Variants in TMPRSS15 observed in about 807,000 individuals in gnomAD.
The protein encoded by TMPRSS15 is transmembrane serine protease 15.
TMPRSS15 carries 128 observed loss-of-function variants against 125.3 expected under a neutral mutation model. That is an observed-to-expected ratio of 1.02 (90% CI 0.89 to 1.18). The LOEUF is 1.18. TMPRSS15 is among the 50% of genes most tolerant of loss of function. The pLI is 0.00. For synonymous variants in TMPRSS15, 446 were observed against 423.2 expected (o/e 1.05, Z -0.66); for missense variants, 1,283 against 1,212.7 (o/e 1.06, Z -0.86).
chr21:18,394,710 GA>G lies in TMPRSS15; in HGVS notation c.344+3168del, dbSNP rs371636275. On this transcript the variant is annotated intron_variant, in intron 3 of 24. Coordinates refer to ENST00000284885, the MANE Select transcript of TMPRSS15 (RefSeq NM_002772.3). ...ACTAAAACAACAATGAGGTCATTAT[GA>G]AAAAAAAACACATTCCTACTAAATT... Among the ~76,000 whole-genome samples, 1,341 of 148,804 alleles carry G rather than the reference GA, an allele frequency of 9.0e-3. 21 individuals are homozygous for G. The highest frequency in any genetic ancestry group is 0.032 in the African/African-American group (1,294 of 40,598).
At chr21:18,457,763 A>C (rs1569072790) in intron 1 of TMPRSS15, among the ~76,000 whole-genome samples, 1 of 152,152 alleles carries the variant, frequency 6.6e-6, no homozygotes, top group Non-Finnish European at 1.5e-5. Flanking sequence ...ATTTGTTGGT[A>C]AGAAGGAGGT....
chr21:18,271,080 C>T (rs2146847487), intron 24 of TMPRSS15, among the ~76,000 whole-genome samples: 1 of 152,238 alleles, frequency 6.6e-6, no homozygotes, highest in Admixed American at 6.5e-5. Flanking sequence ...TCTATCAATG[C>T]ACCCTTTTTT....
intron 1 of TMPRSS15, among the ~76,000 whole-genome samples, chr21:18,422,127 G>A (rs1161852005): frequency 2.6e-5 from 4 of 151,882 alleles, no homozygotes; most frequent in Admixed American, 2.0e-4. Flanking sequence ...GGGATTACAG[G>A]TGTGCACCAT....
intron 1 of TMPRSS15, among the ~76,000 whole-genome samples, chr21:18,482,454 C>T (rs1569902): frequency 0.58 from 87,855 of 151,234 alleles, 26,461 homozygotes; most frequent in East Asian, 0.92. Flanking sequence ...TTCACAAATA[C>T]ACAAATGATA....
At chr21:18,394,549 C>CTG (rs887269876) in intron 3 of TMPRSS15, among the ~76,000 whole-genome samples, 11 of 151,824 alleles carry the variant, frequency 7.2e-5, no homozygotes, top group Non-Finnish European at 1.6e-4. Context: ...CTCTCTCTCT[C>CTG]TCTGTCTCTC....
intron 1 of TMPRSS15, among the ~76,000 whole-genome samples, chr21:18,454,986 C>T (rs1270479077): frequency 6.6e-6 from 1 of 152,096 alleles, no homozygotes; most frequent in Non-Finnish European, 1.5e-5. Context: ...CCCATAATCC[C>T]CATGTGTCAT....
intron 10 of TMPRSS15, among the ~76,000 whole-genome samples, chr21:18,344,975 A>C (rs1008928400): frequency 1.3e-5 from 2 of 152,202 alleles, no homozygotes; most frequent in Non-Finnish European, 2.9e-5. Flanking sequence ...AATATAGGCA[A>C]TGTTGCATAT....
At chr21:18,432,919 A>C (rs1162448656) in intron 1 of TMPRSS15, among the ~76,000 whole-genome samples, 1 of 152,118 alleles carries the variant, frequency 6.6e-6, no homozygotes, top group East Asian at 1.9e-4. Context: ...TCTCCGAAAA[A>C]GTGGGGACTA....
intron 18 of TMPRSS15, among the ~76,000 whole-genome samples, chr21:18,299,440 T>C (rs975215703): frequency 6.6e-6 from 1 of 152,214 alleles, no homozygotes; most frequent in Admixed American, 6.5e-5. Context: ...CTCACAGTAA[T>C]CTCAGCTTTC....
intron 5 of TMPRSS15, among the ~76,000 whole-genome samples, chr21:18,375,515 A>C (rs1227530976): frequency 6.6e-6 from 1 of 152,212 alleles, no homozygotes; most frequent in Non-Finnish European, 1.5e-5. Context: ...AATTCTAGTT[A>C]AAGAAAAGTA....
intron 3 of TMPRSS15, among the ~76,000 whole-genome samples, chr21:18,393,509 T>A (rs1334362860): frequency 6.6e-6 from 1 of 152,188 alleles, no homozygotes; most frequent in Non-Finnish European, 1.5e-5. Context: ...TGGACTAGAA[T>A]GAATTTTCTT....
chr21:18,404,129 G>T (rs76549942), upstream of TMPRSS15, among the ~76,000 whole-genome samples: 765 of 152,224 alleles, frequency 5.0e-3, 3 homozygotes, highest in Middle Eastern at 0.027. Context: ...TAACTTTTAG[G>T]TGCAGATGTA....
intron 7 of TMPRSS15, among the ~76,000 whole-genome samples, chr21:18,361,851 A>AG (rs2147025894): frequency 6.7e-6 from 1 of 149,884 alleles, no homozygotes; most frequent in Admixed American, 6.7e-5. Flanking sequence ...GTTTGCTGTA[A>AG]GGGAGATAAA....
intron 24 of TMPRSS15, among the ~76,000 whole-genome samples, chr21:18,271,445 G>GTT: frequency 6.6e-6 from 1 of 152,296 alleles, no homozygotes; most frequent in South Asian, 2.1e-4. Context: ...GTCGGTTGCA[G>GTT]TTACTCAAGG....
At chr21:18,275,436 A>C in intron 23 of TMPRSS15, 100 bp from the exon 24 acceptor site, 260 of 1,367,834 alleles carry the variant, frequency 1.9e-4, no homozygotes, top group Non-Finnish European at 2.5e-4. Context: ...TTTCACTCTC[A>C]TTATCAAGTA....
intron 23 of TMPRSS15, 31 bp downstream of exon 23, chr21:18,278,933 T>A: frequency 1.1e-6 from 1 of 899,218 alleles, no homozygotes; most frequent in South Asian, 1.7e-5. Context: ...GGTTTTTTTT[T>A]TTTTTTTTTT....
chr21:18,338,192 A>C (rs1279184067), intron 13 of TMPRSS15, among the ~76,000 whole-genome samples: 1 of 152,166 alleles, frequency 6.6e-6, no homozygotes. Flanking sequence ...ATGATGTAAA[A>C]AAGTTACCTC....
At chr21:18,458,946 A>G (rs1857038892) in intron 1 of TMPRSS15, among the ~76,000 whole-genome samples, 1 of 151,980 alleles carries the variant, frequency 6.6e-6, no homozygotes, top group Admixed American at 6.6e-5. Context: ...TTTTGTTGTT[A>G]TTTATTATTT....
intron 6 of TMPRSS15, among the ~76,000 whole-genome samples, chr21:18,367,515 C>T (rs2075749652): frequency 7.0e-6 from 1 of 142,232 alleles, no homozygotes; most frequent in South Asian, 2.2e-4. Flanking sequence ...CATTTGCTTG[C>T]ATTTTATGTG....
Sources: allele counts gnomAD v4.1 joint callset (sites outside exome capture counted in the v4.1 genomes callset), GRCh38; gene constraint gnomAD v4.1.1; transcripts MANE v1.5; gene names NCBI Gene and HGNC (gene_info 2026-07-23, HGNC 2026-07-21).